Variants in GFRA2 observed in about 807,000 individuals in gnomAD.
GFRA2 encodes the protein GDNF family receptor alpha-2.
In GFRA2, 17 loss-of-function variants were observed where a neutral mutation model predicts 48.3. The ratio of observed to expected loss-of-function variants is 0.35; its 90% CI spans 0.24 to 0.53. GFRA2 has a LOEUF of 0.53. Ranked by LOEUF, GFRA2 falls within the 20% of genes least tolerant of loss-of-function variation. The pLI, the probability that GFRA2 is intolerant of heterozygous loss-of-function variation, is 0.93. For missense variants in GFRA2, 660 were observed against 637.3 expected (o/e 1.04, Z -0.38); for synonymous variants, 305 against 257.2 (o/e 1.19, Z -1.78).
At chr8:21,790,515 C>T (rs1807544870), upstream of GFRA2, among the ~76,000 whole-genome samples, 2 of 152,222 alleles carry the variant, frequency 1.3e-5, no homozygotes, top group African/African-American at 4.8e-5. Flanking sequence ...GAGCAACTTC[C>T]ATCTTGAGGA....
intron 4 of GFRA2, chr8:21,706,381 C>T (rs1316243701): frequency 1.0e-5 from 5 of 482,166 alleles, no homozygotes; most frequent in South Asian, 7.7e-5. Flanking sequence ...ATGCCTGGAC[C>T]CCAGGCAGGA....
chr8:21,701,639 G>A (rs967907429), intron 7 of GFRA2, among the ~76,000 whole-genome samples: 2 of 152,094 alleles, frequency 1.3e-5, no homozygotes, highest in Admixed American at 6.5e-5. Flanking sequence ...CCTAACATTC[G>A]TGCAGCATTC....
In GFRA2 at chr8:21,759,538, GAA is replaced by G. The variant is rs1285774465; in HGVS notation, c.440-8598_440-8597del. ...GGAAGGAAGGAAGGAAGGAAGGAAG[GAA>G]GGAGGGAAGGAAGGAAGGAAAGAAA... On this transcript the variant is annotated intron_variant, in intron 3 of 8. Coordinates refer to ENST00000524240, the MANE Select transcript of GFRA2 (RefSeq NM_001495.5). Among the ~76,000 whole-genome samples, 279 of 149,788 alleles carry G rather than the reference GAA, an allele frequency of 1.9e-3. 2 individuals are homozygous for G. The highest frequency in any genetic ancestry group is 0.017 in the East Asian group (86 of 4,978).
At chr8:21,786,214 C>T (rs1055843926) in intron 1 of GFRA2, among the ~76,000 whole-genome samples, 10 of 152,154 alleles carry the variant, frequency 6.6e-5, no homozygotes, top group African/African-American at 2.4e-4. Flanking sequence ...ACATACACAC[C>T]CACCACGAGC....
intron 4 of GFRA2, among the ~76,000 whole-genome samples, chr8:21,719,518 G>C (rs1053655467): frequency 4.6e-5 from 7 of 152,196 alleles, no homozygotes; most frequent in African/African-American, 1.7e-4. Flanking sequence ...GAACTGCTAA[G>C]TAAGCTGAAC....
At chr8:21,756,874 C>G (rs1805596204) in intron 3 of GFRA2, among the ~76,000 whole-genome samples, 1 of 152,198 alleles carries the variant, frequency 6.6e-6, no homozygotes, top group Admixed American at 6.5e-5. Context: ...TGGGCTGGCC[C>G]TGGAGAGCCT....
At chr8:21,701,169 T>C (rs1020070164) in intron 7 of GFRA2, among the ~76,000 whole-genome samples, 1 of 151,874 alleles carries the variant, frequency 6.6e-6, no homozygotes, top group Non-Finnish European at 1.5e-5. Context: ...CCGAGGCGGG[T>C]GGATCACAAG....
intron 4 of GFRA2, among the ~76,000 whole-genome samples, chr8:21,749,379 C>T (rs1319469472): frequency 6.6e-6 from 1 of 152,020 alleles, no homozygotes; most frequent in East Asian, 2.0e-4. Context: ...GGTATTTTTA[C>T]TCCTATTTTA....
intron 3 of GFRA2, among the ~76,000 whole-genome samples, chr8:21,767,217 AAC>A (rs1208590185): frequency 1.4e-5 from 2 of 139,814 alleles, no homozygotes; most frequent in East Asian, 2.5e-4. Flanking sequence ...ACCATGCCCA[AAC>A]ACACACACAC....
Position 21,788,332 on chromosome 8 carries a change from C to A in GFRA2, c.-173G>T, listed in dbSNP as rs1807389217. 2.2e-6 allele frequency: 3 copies of A among 1,378,444 alleles called. No homozygotes were observed. Among genetic ancestry groups the A allele is most frequent in the Non-Finnish European group, 9.4e-7 (1 of 1,069,028 alleles). 85.4% of individuals were successfully genotyped at this position (1,378,444 alleles called of 1,614,324 possible). Reference sequence around the variant, plus strand: ...CGAGTCCTGCGATTCTCGCCTCTGGCTGGAGGGGGTGGGGTGAGAGGCGGG... The same window carrying A: ...CGAGTCCTGCGATTCTCGCCTCTGGATGGAGGGGGTGGGGTGAGAGGCGGG... On this transcript the variant is annotated 5_prime_UTR_variant, in exon 1 of 9. Coordinates refer to ENST00000524240, the MANE Select transcript of GFRA2 (RefSeq NM_001495.5).
At chr8:21,803,556 G>C (rs1487947734) in intron 2 of GFRA2, among the ~76,000 whole-genome samples, 1 of 152,198 alleles carries the variant, frequency 6.6e-6, no homozygotes, top group Non-Finnish European at 1.5e-5. Flanking sequence ...GGCAATGGCA[G>C]AGAACTGAGG....
intron 4 of GFRA2, among the ~76,000 whole-genome samples, chr8:21,741,296 A>G (rs1804732858): frequency 6.6e-6 from 1 of 151,892 alleles, no homozygotes; most frequent in Non-Finnish European, 1.5e-5. Flanking sequence ...AAACTTCTGC[A>G]CATGCTATGC....
intron 4 of GFRA2, among the ~76,000 whole-genome samples, chr8:21,720,810 G>A (rs1256005058): frequency 6.6e-6 from 1 of 152,134 alleles, no homozygotes; most frequent in Non-Finnish European, 1.5e-5. Flanking sequence ...ACAAACTCCA[G>A]TTATCGCACT....
At chr8:21,759,358 C>T (rs918438040) in intron 3 of GFRA2, among the ~76,000 whole-genome samples, 1 of 149,936 alleles carries the variant, frequency 6.7e-6, no homozygotes, top group Admixed American at 6.7e-5. Flanking sequence ...TGCACTCCAA[C>T]CTGGGCGACA....
intron 1 of GFRA2, among the ~76,000 whole-genome samples, chr8:21,787,287 G>T: frequency 6.9e-6 from 1 of 145,796 alleles, no homozygotes; most frequent in East Asian, 2.1e-4. Context: ...GGGGGGGTTT[G>T]CAGAAGGAGC....
chr8:21,697,016 G>A (rs1411445932), intron 7 of GFRA2, among the ~76,000 whole-genome samples: 4 of 37,584 alleles, frequency 1.1e-4, no homozygotes, highest in African/African-American at 4.1e-4. Context: ...GACAGAGGGA[G>A]AGATGAAGGG....
chr8:21,704,625 A>G (rs564485094), intron 6 of GFRA2, among the ~76,000 whole-genome samples: 1 of 152,294 alleles, frequency 6.6e-6, no homozygotes, highest in East Asian at 1.9e-4. Context: ...GTGAAAAGGA[A>G]GTCGATTCCA....
intron 7 of GFRA2, among the ~76,000 whole-genome samples, chr8:21,699,974 T>C (rs1802390376): frequency 6.6e-6 from 1 of 152,222 alleles, no homozygotes; most frequent in Non-Finnish European, 1.5e-5. Context: ...GATGGGGCCA[T>C]GAACACGCAA....
intron 3 of GFRA2, among the ~76,000 whole-genome samples, chr8:21,757,228 G>A (rs4076842): frequency 4.0e-5 from 6 of 151,866 alleles, no homozygotes; most frequent in Admixed American, 2.6e-4. Context: ...CTGCCCTGCC[G>A]CAGCCACACC....
Sources: allele counts gnomAD v4.1 joint callset (sites outside exome capture counted in the v4.1 genomes callset), GRCh38; gene constraint gnomAD v4.1.1; transcripts MANE v1.5; gene names NCBI Gene and HGNC (gene_info 2026-07-23, HGNC 2026-07-21).